Variants in UMAD1 observed in about 807,000 individuals in gnomAD.
UMAD1 encodes UBAP1-MVB12-associated (UMA) domain containing 1.
In UMAD1, 8 loss-of-function variants were observed where a neutral mutation model predicts 6.1. The observed-to-expected ratio is 1.30, with a 90% CI of 0.76 to 2.35. The LOEUF (loss-of-function observed/expected upper bound fraction) is 2.35. Among genes scored for constraint, UMAD1 ranks in the 30% most tolerant of loss-of-function variants. The pLI, the probability that UMAD1 is intolerant of heterozygous loss-of-function variation, is 0.00. For synonymous variants in UMAD1, 56 were observed against 31.4 expected (o/e 1.78, Z -2.61); for missense variants, 130 against 78.4 (o/e 1.66, Z -2.49).
chr7:7,683,208 A>C (rs1384413834), intron 2 of UMAD1, among the ~76,000 whole-genome samples: 2 of 152,200 alleles, frequency 1.3e-5, no homozygotes, highest in Non-Finnish European at 2.9e-5. Flanking sequence ...AACGTAAATT[A>C]GGGATCTATC....
At chr7:7,709,052 C>G (rs1780681928) in intron 2 of UMAD1, among the ~76,000 whole-genome samples, 1 of 151,862 alleles carries the variant, frequency 6.6e-6, no homozygotes, top group African/African-American at 2.4e-5. Flanking sequence ...TTAAAAATAC[C>G]AATTAACTAC....
At chr7:7,847,451 C>G (rs1783824931) in intron 3 of UMAD1, among the ~76,000 whole-genome samples, 1 of 151,868 alleles carries the variant, frequency 6.6e-6, no homozygotes, top group Non-Finnish European at 1.5e-5. Context: ...CTTCAGGTCC[C>G]ATTCTTTATG....
chr7:7,793,043 C>T (rs947409289), intron 2 of UMAD1, among the ~76,000 whole-genome samples: 1 of 152,140 alleles, frequency 6.6e-6, no homozygotes, highest in Non-Finnish European at 1.5e-5. Flanking sequence ...TCGGGGAGGA[C>T]ACACACTTTC....
intron 3 of UMAD1, among the ~76,000 whole-genome samples, chr7:7,803,823 T>A (rs965776144): frequency 1.3e-5 from 2 of 151,896 alleles, no homozygotes; most frequent in Admixed American, 1.3e-4. Context: ...CACCCCCTAA[T>A]ACAGTCGCCT....
chr7:7,839,791 TAG>T (rs1175390221), intron 3 of UMAD1, among the ~76,000 whole-genome samples: 3 of 152,134 alleles, frequency 2.0e-5, no homozygotes, highest in Non-Finnish European at 4.4e-5. Flanking sequence ...CAGTTGCATG[TAG>T]GTTGGTAGGT....
At chr7:7,736,962 T>C (rs1781370954) in intron 2 of UMAD1, 1 of 152,276 alleles carries the variant, frequency 6.6e-6, no homozygotes, top group Non-Finnish European at 1.5e-5. Flanking sequence ...TCACCAGGCC[T>C]CTGGTTTTCC....
chr7:7,814,247 G>A (rs147036429), intron 3 of UMAD1, among the ~76,000 whole-genome samples: 4 of 152,330 alleles, frequency 2.6e-5, no homozygotes, highest in East Asian at 3.9e-4. Context: ...GCCTCCTGAA[G>A]TGCTGGGATT....
At chr7:7,729,198 A>G (rs758672044) in intron 2 of UMAD1, among the ~76,000 whole-genome samples, 3 of 152,166 alleles carry the variant, frequency 2.0e-5, no homozygotes, top group Non-Finnish European at 4.4e-5. Flanking sequence ...GTGAGTGGGA[A>G]AAGGCCCTTC....
intron 2 of UMAD1, among the ~76,000 whole-genome samples, chr7:7,706,759 G>C (rs1780611957): frequency 6.6e-6 from 1 of 152,096 alleles, no homozygotes; most frequent in South Asian, 2.1e-4. Context: ...AGTGACAGCT[G>C]GGATTTTAAA....
chr7:7,674,125 A>G (rs949876501), intron 2 of UMAD1, among the ~76,000 whole-genome samples: 12 of 152,148 alleles, frequency 7.9e-5, no homozygotes, highest in African/African-American at 2.7e-4. Flanking sequence ...GGGGTAGTCA[A>G]ACCCAGTGTT....
intron 2 of UMAD1, among the ~76,000 whole-genome samples, chr7:7,783,114 G>A (rs987579448): frequency 6.6e-6 from 1 of 152,050 alleles, no homozygotes; most frequent in African/African-American, 2.4e-5. Context: ...TTGAGATGGT[G>A]GTTTTGCTGA....
chr7:7,708,555 C>T (rs1780666098), intron 2 of UMAD1, among the ~76,000 whole-genome samples: 1 of 152,168 alleles, frequency 6.6e-6, no homozygotes, highest in South Asian at 2.1e-4. Flanking sequence ...TGCTTTATAA[C>T]TTGAAACATT....
chr7:7,698,904 T>A (rs897265171), intron 2 of UMAD1, among the ~76,000 whole-genome samples: 14 of 146,398 alleles, frequency 9.6e-5, no homozygotes, highest in African/African-American at 3.3e-4. Flanking sequence ...AGTCTCACCC[T>A]GTTGCCCAGG....
At chr7:7,731,270 G>A (rs1781246401) in intron 2 of UMAD1, among the ~76,000 whole-genome samples, 1 of 152,104 alleles carries the variant, frequency 6.6e-6, no homozygotes, top group Non-Finnish European at 1.5e-5. Flanking sequence ...AAAGTGCTGG[G>A]ATTACAGCCG....
intron 2 of UMAD1, among the ~76,000 whole-genome samples, chr7:7,783,368 C>CTAT (rs1218185809): frequency 6.6e-6 from 1 of 151,510 alleles, no homozygotes. Flanking sequence ...CTTGAGAATC[C>CTAT]TATCTTTTGT....
intron 3 of UMAD1, among the ~76,000 whole-genome samples, chr7:7,865,168 G>A (rs907555999): frequency 3.4e-4 from 52 of 152,320 alleles, no homozygotes; most frequent in African/African-American, 1.2e-3. Flanking sequence ...GGAGGAGGGG[G>A]TTGTGGGAAT....
chr7:7,769,192 A>G (rs886657986), intron 2 of UMAD1, among the ~76,000 whole-genome samples: 1 of 152,188 alleles, frequency 6.6e-6, no homozygotes, highest in African/African-American at 2.4e-5. Context: ...TTAGGGTAAC[A>G]TGGTTAGGGA....
chr7:7,696,754 C>A (rs1336859044), intron 2 of UMAD1, among the ~76,000 whole-genome samples: 1 of 152,132 alleles, frequency 6.6e-6, no homozygotes, highest in Non-Finnish European at 1.5e-5. Flanking sequence ...TGATTCTTGC[C>A]AACTGGTTTA....
rs185848770 is a variant in UMAD1, at chr7:7,707,701, C to T, written c.82+34248C>T. Reference sequence around the variant, plus strand: ...AATCTGGCTTAATTTTGCCTTAAAGCTATTCTTAGTGTTAATATATAATGC... The same window carrying T: ...AATCTGGCTTAATTTTGCCTTAAAGTTATTCTTAGTGTTAATATATAATGC... On this transcript the variant is annotated intron_variant, in intron 2 of 3. Transcript: ENST00000682710. 2.0e-3 allele frequency among the ~76,000 whole-genome samples: 309 copies of T among 152,222 alleles called. 7 individuals carry two copies. The highest frequency in any genetic ancestry group is 0.017 in the Admixed American group (254 of 15,284).
Sources: allele counts gnomAD v4.1 joint callset (sites outside exome capture counted in the v4.1 genomes callset), GRCh38; gene constraint gnomAD v4.1.1; transcripts MANE v1.5; gene names NCBI Gene and HGNC (gene_info 2026-07-23, HGNC 2026-07-21).